NFATC1: variants seen among roughly 807,000 people sequenced by gnomAD.
NFATC1 encodes the protein nuclear factor of activated T-cells, cytoplasmic 1.
Under a neutral mutation model 76.0 loss-of-function variants are expected in NFATC1, and 22 were observed. The observed-to-expected ratio is 0.29, with a 90% CI of 0.21 to 0.41. The LOEUF (loss-of-function observed/expected upper bound fraction) is 0.41. Ranked by LOEUF, NFATC1 falls within the 10% of genes least tolerant of loss-of-function variation. The pLI is 1.00. For missense variants in NFATC1, 1,357 were observed against 1,337.7 expected, an observed-to-expected ratio of 1.01 and a Z score of -0.23; for synonymous variants, 704 against 613.1, an observed-to-expected ratio of 1.15 and a Z score of -2.19.
intron 2 of NFATC1, among the ~76,000 whole-genome samples, chr18:79,425,279 G>GTC (rs1349169500): frequency 6.6e-4 from 42 of 63,418 alleles, no homozygotes; most frequent in African/African-American, 1.5e-3. Context: ...CTCTCTCTCT[G>GTC]TCTGTCTTTC....
rs56112793 is a variant in NFATC1, at chr18:79,461,278, G to C, written c.1904-33G>C. On this transcript the variant is annotated intron_variant, in intron 6 of 9. Coordinates refer to ENST00000427363, the MANE Select transcript of NFATC1 (RefSeq NM_001278669.2). ...TGGGGAGGGGGCTCCCCACCACACAGAGTCACAGACGTTTCCTGCTCCTTT... is the reference window on the plus strand; with the variant it reads ...TGGGGAGGGGGCTCCCCACCACACACAGTCACAGACGTTTCCTGCTCCTTT... The C allele has an allele frequency of 3.6e-4, 585 of 1,613,248 alleles. 1 individual carries two copies. In the African/African-American group the frequency reaches 6.5e-3, roughly 18 times the overall value.
intron 3 of NFATC1, among the ~76,000 whole-genome samples, chr18:79,437,080 G>A (rs2086806637): frequency 6.6e-6 from 1 of 152,230 alleles, no homozygotes; most frequent in African/African-American, 2.4e-5. Context: ...CTGCGAGGGG[G>A]TCTGGGTGGT....
intron 2 of NFATC1, among the ~76,000 whole-genome samples, chr18:79,432,803 C>T (rs1012597237): frequency 1.3e-5 from 2 of 152,194 alleles, no homozygotes; most frequent in African/African-American, 2.4e-5. Context: ...TGGGAAGACA[C>T]GCCGAGGGCA....
intron 1 of NFATC1, among the ~76,000 whole-genome samples, chr18:79,402,715 T>A (rs1347963243): frequency 2.6e-5 from 4 of 152,252 alleles, no homozygotes; most frequent in Non-Finnish European, 5.9e-5. Flanking sequence ...ATCTCATATG[T>A]TACGTGTACA....
intron 8 of NFATC1, among the ~76,000 whole-genome samples, chr18:79,476,532 C>T (rs969182816): frequency 5.3e-5 from 8 of 152,354 alleles, no homozygotes; most frequent in East Asian, 1.9e-4. Context: ...CGCTTCCCCT[C>T]GCTGCCGTGC....
intron 9 of NFATC1, among the ~76,000 whole-genome samples, chr18:79,491,742 G>A (rs1600909527): frequency 6.6e-6 from 1 of 152,228 alleles, no homozygotes. Context: ...AGCCCTCTGC[G>A]AACCAAGCAG....
At chr18:79,400,472 C>T in intron 1 of NFATC1, 2 of 1,486,158 alleles carry the variant, frequency 1.3e-6, no homozygotes, top group African/African-American at 1.5e-5. Flanking sequence ...CCGCCGCGGC[C>T]GCCCCAGGTG....
At chr18:79,519,901 G>A (rs2090472405) in intron 9 of NFATC1, among the ~76,000 whole-genome samples, 1 of 152,214 alleles carries the variant, frequency 6.6e-6, no homozygotes, top group Non-Finnish European at 1.5e-5. Flanking sequence ...CGTGCTCGCT[G>A]TCGCTCCTTT....
At chr18:79,432,426 C>T (rs2144660311) in intron 2 of NFATC1, among the ~76,000 whole-genome samples, 1 of 114,336 alleles carries the variant, frequency 8.7e-6, no homozygotes, top group African/African-American at 3.1e-5. Flanking sequence ...TGAGGACAGC[C>T]GTTGGGCCCT....
At chr18:79,432,815 G>A (rs946611991) in intron 2 of NFATC1, among the ~76,000 whole-genome samples, 1 of 152,278 alleles carries the variant, frequency 6.6e-6, no homozygotes, top group East Asian at 1.9e-4. Context: ...CCGAGGGCAC[G>A]GGCAGGACCT....
intron 2 of NFATC1, among the ~76,000 whole-genome samples, chr18:79,419,732 A>T (rs1174129673): frequency 1.3e-5 from 2 of 152,182 alleles, no homozygotes; most frequent in African/African-American, 4.8e-5. Context: ...CAGACAAAAC[A>T]GGATTTGCTC....
At position 79,527,514 on chromosome 18, in the gene NFATC1, T is replaced by C. The variant is rs753010457; in HGVS notation, c.2783-14T>C. On this transcript the variant is annotated splice_polypyrimidine_tract_variant and intron_variant, in intron 9 of 9. Coordinates refer to ENST00000427363, the MANE Select transcript of NFATC1 (RefSeq NM_001278669.2). ...TATTTCTCTAATACTTTCTCAATTT[T>C]TCTTTTCTTACAGTAAATGAAATAA... The C allele has an allele frequency of 6.2e-7, 1 of 1,611,574 alleles. No homozygotes were observed.
At chr18:79,442,724 C>T (rs1055644698) in intron 3 of NFATC1, among the ~76,000 whole-genome samples, 2 of 152,202 alleles carry the variant, frequency 1.3e-5, no homozygotes, top group African/African-American at 2.4e-5. Context: ...TCTGCTCCGG[C>T]GGGCCACGCC....
Position 79,467,335 on chromosome 18 carries a change from G to GGGGTTGCCGTGTGGCCGCCGTGGAAA in NFATC1, c.1960-115_1960-114insGGGTTGCCGTGTGGCCGCCGTGGAAA, listed in dbSNP as rs1568997684. The GGGGTTGCCGTGTGGCCGCCGTGGAAA allele has an allele frequency of 2.9e-6, 3 of 1,019,064 alleles. No homozygotes were observed. The African/African-American group carries it at 5.8e-5, about 20-fold the overall frequency. The allele number at this position is 1,019,064 out of a possible 1,614,324, so 63.1% of individuals were successfully genotyped here. ...GTTGCCGTGTGGCCGCCGTGGAAAC[G>GGGGTTGCCGTGTGGCCGCCGTGGAAA]CGGGGTTGCCGTGTGGCCGCCGTGG... On this transcript the variant is annotated intron_variant, in intron 7 of 9. Transcript: ENST00000427363.
At chr18:79,434,684 A>G (rs2086710429) in intron 3 of NFATC1, among the ~76,000 whole-genome samples, 1 of 152,270 alleles carries the variant, frequency 6.6e-6, no homozygotes, top group African/African-American at 2.4e-5. Flanking sequence ...GAATGATGCA[A>G]GCCGGAAGGG....
At position 79,483,642 on chromosome 18, in the gene NFATC1, T is replaced by TC. The variant is rs1569018314; in HGVS notation, c.2093-2606_2093-2605insC. Among the ~76,000 whole-genome samples the TC allele has an allele frequency of 2.7e-4, 37 of 139,058 alleles. 1 individual carries two copies. The highest frequency in any genetic ancestry group is 9.4e-4 in the African/African-American group (34 of 36,132). 91.2% of individuals were successfully genotyped at this position (139,058 alleles called of 152,430 possible). Reference sequence around the variant, plus strand: ...CCTGGGGCGTCACTCTGGCGTGACCTGGTCCTGGGGTGTAATTCCAGCGTG... The same window carrying TC: ...CCTGGGGCGTCACTCTGGCGTGACCTCGGTCCTGGGGTGTAATTCCAGCGTG... On this transcript the variant is annotated intron_variant, in intron 8 of 9. Coordinates refer to ENST00000427363, the MANE Select transcript of NFATC1 (RefSeq NM_001278669.2).
chr18:79,413,129 T>C (rs1106549), intron 2 of NFATC1, among the ~76,000 whole-genome samples: 36,472 of 152,182 alleles, frequency 0.24, 5,168 homozygotes, highest in African/African-American at 0.39. Context: ...GTCTCCAGGC[T>C]TACGGACGGT....
chr18:79,463,513 A>ACAC (rs2144888370), intron 7 of NFATC1, among the ~76,000 whole-genome samples: 1 of 90,818 alleles, frequency 1.1e-5, no homozygotes, highest in African/African-American at 4.1e-5. Context: ...TCTCTTCCCC[A>ACAC]CGGCCATTTC....
intron 2 of NFATC1, among the ~76,000 whole-genome samples, chr18:79,429,320 C>T (rs1346682553): frequency 6.6e-6 from 1 of 150,818 alleles, no homozygotes. Context: ...GGACGTTCGT[C>T]GGTCACCATC....
Sources: gnomAD v4.1 joint callset for allele counts (sites outside exome capture counted in the v4.1 genomes callset) on GRCh38, gnomAD v4.1.1 for gene constraint, MANE v1.5 for transcripts, NCBI Gene and HGNC (gene_info 2026-07-23, HGNC 2026-07-21) for gene names.